SATB2: variants seen among roughly 807,000 people sequenced by gnomAD.
SATB2 encodes DNA-binding protein SATB2.
A neutral mutation model predicts 73.4 loss-of-function variants in SATB2; 1 was observed. The observed-to-expected ratio is 0.01, with a 90% CI of 0.00 to 0.06. The LOEUF is 0.06. Ranked by LOEUF, SATB2 falls within the 10% of genes least tolerant of loss-of-function variation. SATB2 has a pLI of 1.00. For missense variants in SATB2, 459 were observed against 945.8 expected (o/e 0.49, Z 6.75); for synonymous variants, 397 against 367.0 (o/e 1.08, Z -0.93).
At chr2:199,319,049 A>G (rs1454039466) in intron 9 of SATB2, among the ~76,000 whole-genome samples, 5 of 151,574 alleles carry the variant, frequency 3.3e-5, no homozygotes, top group Non-Finnish European at 7.4e-5. Flanking sequence ...AAAGGTCAGT[A>G]CACAAAATCC....
chr2:199,366,434 T>G (rs1006202502), intron 6 of SATB2, among the ~76,000 whole-genome samples: 1 of 152,074 alleles, frequency 6.6e-6, no homozygotes, highest in Non-Finnish European at 1.5e-5. Flanking sequence ...AGTCCAACAC[T>G]TCCCTTTTTC....
rs1336295194 is a variant in SATB2, at chr2:199,463,920, A to T, written c.-141+916T>A. ...GGCAGCCGGGTGCAAGGGGGCCCAA[A>T]CCGCAGTTGCCTCCCGAACGCTTTG... On this transcript the variant is annotated intron_variant, in intron 1 of 11. Coordinates refer to the SATB2 transcript ENST00000260926. This position sits in a 1 kb window ranked among gnomAD's most constrained non-coding sequence, Gnocchi z 6.4. Among the ~76,000 whole-genome samples, 1 of 152,084 alleles carries T rather than the reference A, an allele frequency of 6.6e-6. No individual in the cohort carries two copies. Among genetic ancestry groups the T allele is most frequent in the African/African-American group, 2.4e-5 (1 of 41,418 alleles).
rs1692515513 is a variant in SATB2, at chr2:199,463,056, T to G, written c.-141+1780A>C. Among the ~76,000 whole-genome samples, 1 of 151,370 alleles carries G rather than the reference T, an allele frequency of 6.6e-6. No homozygotes were observed. The highest frequency in any genetic ancestry group is 1.5e-5 in the Non-Finnish European group (1 of 67,852). On this transcript the variant is annotated intron_variant, in intron 1 of 11. Coordinates refer to the SATB2 transcript ENST00000260926. The surrounding 1 kb of genome is among the most constrained non-coding windows in gnomAD (Gnocchi z 6.4). ...GAGATAGGTTTCAGAGCTGGGGGAG[T>G]CGTTGGTGGGAGATCTGGTGTCCCT...
intron 7 of SATB2, among the ~76,000 whole-genome samples, chr2:199,331,873 AACATAAATTAATAATTTATCTCTC>A (rs1184936330): frequency 6.6e-6 from 1 of 152,198 alleles, no homozygotes; most frequent in Non-Finnish European, 1.5e-5. Context: ...TCTTGAATAG[AACATAAATTAATAATTTATCTCTC>A]ACATAAATAT....
At chr2:199,323,686 G>A in intron 9 of SATB2, 117 bp downstream of exon 9, 3 of 1,157,390 alleles carry the variant, frequency 2.6e-6, no homozygotes, top group Non-Finnish European at 3.8e-6. Context: ...AACATGACAG[G>A]TTTCTTGGGG....
At chr2:199,336,358 C>A (rs1688338404) in intron 7 of SATB2, among the ~76,000 whole-genome samples, 1 of 152,108 alleles carries the variant, frequency 6.6e-6, no homozygotes, top group African/African-American at 2.4e-5. Context: ...AAGTTCTGGG[C>A]CCTTCTTATT....
At chr2:199,329,154 C>G (rs1241107285) in intron 7 of SATB2, 2 of 514,676 alleles carry the variant, frequency 3.9e-6, no homozygotes, top group Non-Finnish European at 7.1e-6. Context: ...CATCAGTGTA[C>G]AGACATGCCA....
chr2:199,468,262 G>T (rs1228161916), upstream of SATB2: 6 of 151,924 alleles, frequency 3.9e-5, no homozygotes, highest in African/African-American at 1.5e-4. Context: ...CTGCAACCCG[G>T]TAGGAGGACT....
At chr2:199,367,146 T>G (rs1052619929) in intron 6 of SATB2, among the ~76,000 whole-genome samples, 1 of 152,138 alleles carries the variant, frequency 6.6e-6, no homozygotes, top group African/African-American at 2.4e-5. Context: ...CAATCCTATT[T>G]TAAAAGAAAA....
chr2:199,288,665 T>A (rs1692756835), intron 10 of SATB2, among the ~76,000 whole-genome samples: 2 of 152,136 alleles, frequency 1.3e-5, no homozygotes, highest in Non-Finnish European at 2.9e-5. Context: ...TAACAGGACT[T>A]GAGAAAACTG....
chr2:199,458,169 G>A (rs1303878923), upstream of SATB2: 1 of 183,756 alleles, frequency 5.4e-6, no homozygotes, highest in Non-Finnish European at 1.1e-5. Flanking sequence ...ACCCAAGCCA[G>A]ACTGGTCCAC....
At chr2:199,281,391 T>A (rs1286067043) in intron 10 of SATB2, among the ~76,000 whole-genome samples, 1 of 151,860 alleles carries the variant, frequency 6.6e-6, no homozygotes, top group East Asian at 1.9e-4. Flanking sequence ...CGTCTGTCCC[T>A]CTATGACAAG....
chr2:199,467,028 C>T (rs979611923), upstream of SATB2, among the ~76,000 whole-genome samples: 3 of 152,284 alleles, frequency 2.0e-5, no homozygotes, highest in South Asian at 2.1e-4. Context: ...CGTGCGGCCC[C>T]GGCTGGCCGC....
chr2:199,303,151 C>T (rs1315412217), intron 10 of SATB2, among the ~76,000 whole-genome samples: 1 of 152,174 alleles, frequency 6.6e-6, no homozygotes, highest in Non-Finnish European at 1.5e-5. Context: ...AAGTCAGACT[C>T]TGAAGGTAGA....
intron 2 of SATB2, among the ~76,000 whole-genome samples, chr2:199,452,654 C>T (rs1469641664): frequency 6.6e-6 from 1 of 152,076 alleles, no homozygotes; most frequent in Non-Finnish European, 1.5e-5. Context: ...AGAGGGGACG[C>T]CAATTCTAGT....
intron 10 of SATB2, among the ~76,000 whole-genome samples, chr2:199,302,862 G>A (rs531811215): frequency 7.9e-5 from 12 of 152,266 alleles, no homozygotes; most frequent in Admixed American, 5.2e-4. Context: ...GAACATTAGC[G>A]ATAAGAGGCA....
At chr2:199,340,338 A>T (rs1044447947) in intron 7 of SATB2, among the ~76,000 whole-genome samples, 4 of 152,222 alleles carry the variant, frequency 2.6e-5, no homozygotes, top group African/African-American at 9.6e-5. Context: ...TCTATCACGT[A>T]AGACCAGGAT....
chr2:199,429,981 G>A lies in SATB2; in HGVS notation c.346+3357C>T, dbSNP rs1293491136. Among the ~76,000 whole-genome samples, 3 of 152,088 alleles carry A rather than the reference G, an allele frequency of 2.0e-5. No individual in the cohort carries two copies. The East Asian group carries it at 5.8e-4, about 29-fold the overall frequency. ...TATTTTAAAATTAACAGAAAGTAGG[G>A]GAGAGATAAAATGCCCACTTACAAA... On this transcript the variant is annotated intron_variant, in intron 3 of 10. Transcript: ENST00000417098.
At chr2:199,369,472 C>T (rs1474622309) in intron 5 of SATB2, among the ~76,000 whole-genome samples, 1 of 152,148 alleles carries the variant, frequency 6.6e-6, no homozygotes, top group Non-Finnish European at 1.5e-5. Flanking sequence ...GAACTTCCTA[C>T]AGAGATGCAG....
Sources: gnomAD v4.1 joint callset for allele counts (sites outside exome capture counted in the v4.1 genomes callset) on GRCh38, gnomAD v4.1.1 for gene constraint, Gnocchi (gnomAD v3.1) non-coding constraint, MANE v1.5 for transcripts, NCBI Gene and HGNC (gene_info 2026-07-23, HGNC 2026-07-21) for gene names.